Variants in ZNF268 observed in about 807,000 individuals in gnomAD.
The protein encoded by ZNF268 is zinc finger protein 3.
Under a neutral mutation model 29.3 loss-of-function variants are expected in ZNF268, and 20 were observed. That is an observed-to-expected ratio of 0.68 (90% CI 0.48 to 0.99). The LOEUF (loss-of-function observed/expected upper bound fraction) is 0.99. ZNF268 is among the 50% of genes least tolerant of loss of function. The probability of loss-of-function intolerance (pLI) is 0.00; values close to 1 mark genes in which losing one functional copy is unlikely to be tolerated. For synonymous variants in ZNF268, 429 were observed against 376.9 expected, an observed-to-expected ratio of 1.14 and a Z score of -1.60; for missense variants, 1,240 against 1,121.6, an observed-to-expected ratio of 1.11 and a Z score of -1.51.
rs1237685062 is a variant in ZNF268, at chr12:133,213,018, T to G, written c.*8488T>G. 2 of 152,152 alleles carry G rather than the reference T, an allele frequency of 1.3e-5. No individual in the cohort carries two copies. Among genetic ancestry groups the G allele is most frequent in the Middle Eastern group, 3.1e-3 (1 of 318 alleles). 9.4% of individuals were successfully genotyped at this position (152,152 alleles called of 1,614,324 possible). A position where few individuals can be genotyped will look rare whatever the true frequency, so the allele number is the denominator to read the frequency against. On this transcript the variant is annotated 3_prime_UTR_variant, in exon 6 of 6. Transcript: ENST00000536435. ...GCATGTGCCACCATGTATGGCTATT[T>G]TTTGTATTTTTAGTAGAGACAGGGT...
chr12:133,199,838 A>T (rs1956707163), intron 5 of ZNF268, among the ~76,000 whole-genome samples: 1 of 152,190 alleles, frequency 6.6e-6, no homozygotes, highest in African/African-American at 2.4e-5. Context: ...TGTTTGTAGC[A>T]TTCTCTGATG....
At chr12:133,195,976 C>T (rs1349612120) in intron 5 of ZNF268, among the ~76,000 whole-genome samples, 1 of 147,072 alleles carries the variant, frequency 6.8e-6, no homozygotes, top group African/African-American at 2.5e-5. Flanking sequence ...TCCCAAGGTG[C>T]TGGGATTACA....
Position 133,204,265 on chromosome 12 carries a change from G to C in ZNF268, c.2579G>C (p.Arg860Thr), listed in dbSNP as rs62644541. 0.24 allele frequency: 366,529 copies of C among 1,548,968 alleles called. 45,906 individuals are homozygous for C. The highest frequency in any genetic ancestry group is 0.26 in the Middle Eastern group (1,566 of 5,998). Residue 860 changes from arginine (R) to threonine (T), a missense_variant, in exon 6 of 6, where the codon AGA becomes ACA. Transcript: ENST00000536435. ...CTTGTACACCAGAGAATGCACACAA[G>C]AGAGAAACCATATGAATGCAGTGAG... ...RLLVHQRMHT[R>T]EKPYECSECG...
intron 3 of ZNF268, among the ~76,000 whole-genome samples, chr12:133,189,588 T>C (rs547189256): frequency 6.6e-6 from 1 of 152,222 alleles, no homozygotes; most frequent in Non-Finnish European, 1.5e-5. Flanking sequence ...GTATTGACCA[T>C]GTATCCTGTG....
Position 133,204,109 on chromosome 12 carries a change from A to G in ZNF268, c.2423A>G (p.Tyr808Cys), listed in dbSNP as rs1186711909. 8 of 1,545,298 alleles carry G rather than the reference A, an allele frequency of 5.2e-6. No individual in the cohort carries two copies. Among genetic ancestry groups the G allele is most frequent in the Non-Finnish European group, 7.0e-6 (8 of 1,147,912 alleles). The change falls in exon 6 of 6, where the codon TAT becomes TGT. Residue 808 changes from tyrosine to cysteine, a missense_variant. Tyr to Cys is a radical substitution (Grantham distance 194). Transcript: ENST00000536435. ...HMRTHSGEKP[Y>C]ECNECGKAFI... Reference sequence around the variant, plus strand: ...AGAACTCATTCAGGTGAAAAACCATATGAATGTAATGAATGTGGGAAAGCC... The same window carrying G: ...AGAACTCATTCAGGTGAAAAACCATGTGAATGTAATGAATGTGGGAAAGCC...
chr12:133,205,785 A>G lies in ZNF268; in HGVS notation c.*1255A>G, dbSNP rs540372133. 1.3e-5 allele frequency: 2 copies of G among 152,318 alleles called. No individual in the cohort carries two copies. The highest frequency in any genetic ancestry group is 4.1e-4 in the South Asian group (2 of 4,826). The allele number at this position is 152,318 out of a possible 1,614,324, so 9.4% of individuals were successfully genotyped here. A position where few individuals can be genotyped will look rare whatever the true frequency, so the allele number is the denominator to read the frequency against. ...AGAACATCTTGATTTCCTCTTAACG[A>G]AACATTCCCTAACGGTGTATGTAGT... is the stretch of plus-strand genomic sequence containing the variant. On this transcript the variant is annotated 3_prime_UTR_variant, in exon 6 of 6. Coordinates refer to ENST00000536435, the MANE Select transcript of ZNF268 (RefSeq NM_003415.3).
Position 133,204,082 on chromosome 12 carries a change from T to C in ZNF268, c.2396T>C (p.Met799Thr), listed in dbSNP as rs537166127. The change falls in exon 6 of 6, where the codon ATG (methionine) becomes ACG (threonine). Residue 799 changes from methionine (M) to threonine (T), a missense_variant. This residue lies in a region of ZNF268 where 1,177 missense variants were observed against 1,039.6 expected (regional missense o/e 1.13). Coordinates refer to ENST00000536435, the MANE Select transcript of ZNF268 (RefSeq NM_003415.3). ...FSSKSYLIIH[M>T]RTHSGEKPYE... ...AGCAAGTCATACCTAATTATACACA[T>C]GAGAACTCATTCAGGTGAAAAACCA... 3.0e-4 allele frequency: 468 copies of C among 1,549,698 alleles called. 5 individuals are homozygous for C. The South Asian group carries it at 5.3e-3, about 17-fold the overall frequency.
intron 3 of ZNF268, among the ~76,000 whole-genome samples, chr12:133,188,401 G>T (rs1346719432): frequency 1.3e-5 from 2 of 151,958 alleles, no homozygotes; most frequent in African/African-American, 2.4e-5. Flanking sequence ...CTCCCTGTGT[G>T]GCTCAGGCTG....
chr12:133,195,893 T>G (rs1304729017), intron 5 of ZNF268, among the ~76,000 whole-genome samples: 2 of 151,686 alleles, frequency 1.3e-5, no homozygotes, highest in Admixed American at 1.3e-4. Context: ...AATTTTTGTA[T>G]TTTTAGACAG....
rs1203417208 is a variant in ZNF268 at position 133,214,787 on chromosome 12, T to C, written c.*10257T>C. 2 of 152,214 alleles carry C rather than the reference T, an allele frequency of 1.3e-5. No individual in the cohort carries two copies. The highest frequency in any genetic ancestry group is 4.8e-5 in the African/African-American group (2 of 41,458). 9.4% of individuals were successfully genotyped at this position (152,214 alleles called of 1,614,324 possible). A position where few individuals can be genotyped will look rare whatever the true frequency, so the allele number is the denominator to read the frequency against. Reference sequence around the variant, plus strand: ...AATGTACATTTTTAAAAGTTAATTTTATATTGTGTAAATTTTACCTCAATA... The same window carrying C: ...AATGTACATTTTTAAAAGTTAATTTCATATTGTGTAAATTTTACCTCAATA... On this transcript the variant is annotated 3_prime_UTR_variant, in exon 6 of 6. Coordinates refer to ENST00000536435, the MANE Select transcript of ZNF268 (RefSeq NM_003415.3).
chr12:133,209,233 T>A lies in ZNF268; in HGVS notation c.*4703T>A, dbSNP rs1327413459. On this transcript the variant is annotated 3_prime_UTR_variant, in exon 6 of 6. Transcript: ENST00000536435. ...GGATTACAGGTGTGAGCCACTGGTC[T>A]GTATTGATTTTTCTTAATTCTTTGC... 2.0e-5 allele frequency: 3 copies of A among 151,854 alleles called. No homozygotes were observed. Among genetic ancestry groups the A allele is most frequent in the African/African-American group, 7.3e-5 (3 of 41,356 alleles). The allele number at this position is 151,854 out of a possible 1,614,324, so 9.4% of individuals were successfully genotyped here. A position where few individuals can be genotyped will look rare whatever the true frequency, so the allele number is the denominator to read the frequency against.
intron 5 of ZNF268, among the ~76,000 whole-genome samples, chr12:133,201,743 TA>T (rs1230894057): frequency 6.6e-6 from 1 of 152,130 alleles, no homozygotes; most frequent in East Asian, 1.9e-4. Context: ...GTTTGGCACA[TA>T]GTAGGTATTT....
rs1475997066 is a variant in ZNF268 at position 133,205,727 on chromosome 12, T to C, written c.*1197T>C. 6.6e-6 allele frequency: 1 copy of C among 152,238 alleles called. No individual in the cohort carries two copies. Among genetic ancestry groups the C allele is most frequent in the African/African-American group, 2.4e-5 (1 of 41,460 alleles). The allele number at this position is 152,238 out of a possible 1,614,324, so 9.4% of individuals were successfully genotyped here. A position where few individuals can be genotyped will look rare whatever the true frequency, so the allele number is the denominator to read the frequency against. On this transcript the variant is annotated 3_prime_UTR_variant, in exon 6 of 6. Coordinates refer to ENST00000536435, the MANE Select transcript of ZNF268 (RefSeq NM_003415.3). Reference sequence around the variant, plus strand: ...ATATAAGGCACACTTCATGTGTTTGTGTAGCCTGGAATCTATTCTACCTTC... The same window carrying C: ...ATATAAGGCACACTTCATGTGTTTGCGTAGCCTGGAATCTATTCTACCTTC...
chr12:133,186,316 G>A (rs866138330), intron 2 of ZNF268, among the ~76,000 whole-genome samples: 2 of 151,984 alleles, frequency 1.3e-5, no homozygotes, highest in African/African-American at 2.4e-5. Context: ...AATGTGGAGC[G>A]GGTAGACTGT....
In ZNF268 at chr12:133,181,868, C is replaced by T; in HGVS notation, c.-52-78C>T. On this transcript the variant is annotated intron_variant, in intron 1 of 5. Coordinates refer to ENST00000536435, the MANE Select transcript of ZNF268 (RefSeq NM_003415.3). ...CTCAGCTCCGAGAATGGCAGGCAGC[C>T]CTGGTGCCTCGGACCCTCCCCCTCT... 3.3e-6 allele frequency: 3 copies of T among 923,016 alleles called. No homozygotes were observed. The South Asian group carries it at 4.3e-5, about 13-fold the overall frequency. The allele number at this position is 923,016 out of a possible 1,614,324, so 57.2% of individuals were successfully genotyped here. A position where few individuals can be genotyped will look rare whatever the true frequency, so the allele number is the denominator to read the frequency against.
chr12:133,202,923 G>C lies in ZNF268; in HGVS notation c.1237G>C (p.Glu413Gln). Residue 413 changes from glutamate to glutamine, a missense_variant, in exon 6 of 6, where the codon GAG becomes CAG. Physicochemically the swap from Glu to Gln is conservative, Grantham distance 29. Around this residue, in one of 3 missense-constraint regions of ZNF268, gnomAD observed 1,177 missense variants for 1,039.6 expected, o/e 1.13. Transcript: ENST00000536435. Reference sequence around the variant, plus strand: ...TATACATGAAAGAATTCATACAGGAGAGAAACCATATGAATGCAATGAATG... The same window carrying C: ...TATACATGAAAGAATTCATACAGGACAGAAACCATATGAATGCAATGAATG... ...LIIHERIHTG[E>Q]KPYECNECQK... 3.2e-6 allele frequency: 5 copies of C among 1,546,164 alleles called. No homozygotes were observed. Among genetic ancestry groups the C allele is most frequent in the Non-Finnish European group, 4.3e-6 (5 of 1,149,896 alleles).
intron 2 of ZNF268, among the ~76,000 whole-genome samples, chr12:133,184,268 AT>A (rs200474894): frequency 8.0e-5 from 12 of 149,456 alleles, no homozygotes; most frequent in Admixed American, 4.0e-4. Context: ...CGCCCAGCTA[AT>A]TTTTTTTTTG....
At position 133,203,798 on chromosome 12, in the gene ZNF268, C is replaced by T. The variant is rs765919146; in HGVS notation, c.2112C>T (p.Ala704=). The T allele has an allele frequency of 1.5e-5, 24 of 1,564,424 alleles. No individual in the cohort carries two copies. The East Asian group carries it at 4.2e-4, about 27-fold the overall frequency. ...ATGGATGCAGTGAGTGTGGGAAAGC[C>T]TTCAGGAGCAAGTCATACCTTATTA... ...KPYGCSECGK[A]FRSKSYLIIH... The change falls in exon 6 of 6, where the codon GCC becomes GCT. Residue 704 remains alanine (A), a synonymous_variant. Coordinates refer to ENST00000536435, the MANE Select transcript of ZNF268 (RefSeq NM_003415.3).
At chr12:133,184,829 C>T in intron 2 of ZNF268, 1 of 349,248 alleles carries the variant, frequency 2.9e-6, no homozygotes, top group South Asian at 2.0e-5. Context: ...TAAGTTTCAA[C>T]ATGAATTTTG....
Sources: gnomAD v4.1 joint callset for allele counts (sites outside exome capture counted in the v4.1 genomes callset) on GRCh38, gnomAD v4.1.1 for gene constraint, gnomAD v4.1.1 regional missense constraint, MANE v1.5 for transcripts, NCBI Gene and HGNC (gene_info 2026-07-23, HGNC 2026-07-21) for gene names.